DMD: variants seen among roughly 807,000 people sequenced by gnomAD.
The protein encoded by DMD is mutant dystrophin.
In DMD, 63 loss-of-function variants were observed where a neutral mutation model predicts 330.1. The observed-to-expected ratio is 0.19, with a 90% CI of 0.16 to 0.24. DMD has a LOEUF of 0.24. Among genes scored for constraint, DMD ranks in the 10% least tolerant of loss-of-function variants. The pLI is 1.00. For missense variants in DMD, 3,344 were observed against 2,684.1 expected (o/e 1.25, Z -5.43); for synonymous variants, 1,223 against 959.8 (o/e 1.27, Z -5.07).
chrX:32,903,144 C>CAA lies in DMD; in HGVS notation c.94-53326_94-53325dup, dbSNP rs34973696. ...TGGGCGACAGAGTGAGACTCAGTCT[C>CAA]AAAAAAAAAAAAAAAAAAAAAGAAA... On this transcript the variant is annotated intron_variant, in intron 2 of 78. Transcript: ENST00000357033. 2.4e-3 allele frequency among the ~76,000 whole-genome samples: 78 copies of CAA among 32,893 alleles called. 3 individuals are homozygous for CAA. The highest frequency in any genetic ancestry group is 7.4e-3 in the African/African-American group (54 of 7,300). 28.6% of individuals were successfully genotyped at this position (32,893 alleles called of 115,157 possible).
intron 62 of DMD, among the ~76,000 whole-genome samples, chrX:31,278,290 C>G (rs1208081572): frequency 2.7e-5 from 3 of 111,534 alleles, no homozygotes; most frequent in Non-Finnish European, 3.8e-5. Context: ...TTTCTCTAGA[C>G]TAGGATTTGG....
At chrX:31,721,682 C>CCG (rs2085506613) in intron 52 of DMD, among the ~76,000 whole-genome samples, 2 of 69,904 alleles carry the variant, frequency 2.9e-5, no homozygotes, top group African/African-American at 9.8e-5. Context: ...CTCTCTCTCT[C>CCG]TCACTCTCTC....
At chrX:33,162,911 C>A (rs767910935) in intron 1 of DMD, among the ~76,000 whole-genome samples, 7 of 110,696 alleles carry the variant, frequency 6.3e-5, no homozygotes, top group Non-Finnish European at 1.3e-4. Flanking sequence ...AAATGACCTG[C>A]AATATTAGGT....
chrX:31,362,788 C>A (rs1033916178), intron 60 of DMD, among the ~76,000 whole-genome samples: 1 of 112,134 alleles, frequency 8.9e-6, no homozygotes, highest in Non-Finnish European at 1.9e-5. Context: ...AGTAAAAACA[C>A]AAAAAAATTA....
intron 2 of DMD, among the ~76,000 whole-genome samples, chrX:33,017,311 A>T (rs946700074): frequency 9.0e-6 from 1 of 111,711 alleles, no homozygotes; most frequent in Non-Finnish European, 1.9e-5. Context: ...TAATTTACAA[A>T]TATTATATAA....
intron 50 of DMD, among the ~76,000 whole-genome samples, chrX:31,815,639 A>G (rs2092606126): frequency 9.0e-6 from 1 of 111,410 alleles, no homozygotes; most frequent in South Asian, 3.8e-4. Context: ...TCCCCAATGT[A>G]GTGATTTGTG....
intron 63 of DMD, among the ~76,000 whole-genome samples, chrX:31,229,925 G>A (rs1254347726): frequency 2.7e-5 from 3 of 112,271 alleles, no homozygotes; most frequent in Non-Finnish European, 3.8e-5. Flanking sequence ...GGATCTTAAT[G>A]AGACTTCAGA....
At chrX:32,448,688 C>CA (rs1433557007) in intron 26 of DMD, 50 bp from the exon 27 acceptor site, 1 of 1,054,505 alleles carries the variant, frequency 9.5e-7, no homozygotes. Context: ...ACTTTACATC[C>CA]AAAATGCATT....
Position 32,453,187 on chromosome X carries a change from C to T in DMD, c.3603+1475G>A, listed in dbSNP as rs2098341081. 5.4e-5 allele frequency among the ~76,000 whole-genome samples: 6 copies of T among 110,903 alleles called. No individual in the cohort carries two copies. The Admixed American group carries it at 5.8e-4, about 11-fold the overall frequency. The stretch of plus-strand genomic sequence containing the variant: ...TTTTCCATTTATTGCCTGCTCCTCA[C>T]CACACGCTAGAACACTAGAATGTAA... On this transcript the variant is annotated intron_variant, in intron 26 of 78. Transcript: ENST00000357033.
chrX:32,017,383 T>C (rs1161990129), intron 44 of DMD, among the ~76,000 whole-genome samples: 2 of 112,102 alleles, frequency 1.8e-5, no homozygotes, highest in African/African-American at 6.5e-5. Context: ...ACAATGTATT[T>C]CAGGTCAACA....
At chrX:33,117,122 A>G (rs2095391328) in intron 1 of DMD, among the ~76,000 whole-genome samples, 2 of 111,029 alleles carry the variant, frequency 1.8e-5, no homozygotes, top group East Asian at 2.8e-4. Flanking sequence ...AATTTTGCCA[A>G]TTAAACTTGT....
At chrX:33,221,878 G>GA (rs2148874581) in intron 1 of DMD, among the ~76,000 whole-genome samples, 1 of 110,367 alleles carries the variant, frequency 9.1e-6, no homozygotes, top group Non-Finnish European at 1.9e-5. Context: ...TAGTAATTTG[G>GA]ATATACTAGA....
At chrX:31,369,158 A>G (rs1569533909) in intron 60 of DMD, among the ~76,000 whole-genome samples, 1 of 112,511 alleles carries the variant, frequency 8.9e-6, no homozygotes, top group Non-Finnish European at 1.9e-5. Flanking sequence ...AAATTCAGGC[A>G]CTATCTTAGG....
Position 32,397,576 on chromosome X carries a change from T to C in DMD, c.4234-7395A>G, listed in dbSNP as rs760830149. ...GGCATTTGAGCATGCAGTAACTATG[T>C]TCACAGCACTATATATTCAAAGTAG... is the stretch of plus-strand genomic sequence containing the variant. On this transcript the variant is annotated intron_variant, in intron 30 of 78. Transcript: ENST00000357033. 3.3e-4 allele frequency among the ~76,000 whole-genome samples: 37 copies of C among 112,247 alleles called. 1 individual carries two copies. Among genetic ancestry groups the C allele is most frequent in the Admixed American group, 2.8e-3 (30 of 10,547 alleles).
intron 1 of DMD, chrX:33,085,907 C>G (rs758091488): frequency 8.9e-6 from 1 of 111,765 alleles, no homozygotes; most frequent in Non-Finnish European, 1.9e-5. Flanking sequence ...TTACTATGCA[C>G]TCCTAAAATT....
At chrX:32,946,372 A>C (rs1024542052) in intron 2 of DMD, among the ~76,000 whole-genome samples, 3 of 111,581 alleles carry the variant, frequency 2.7e-5, no homozygotes, top group African/African-American at 9.8e-5. Flanking sequence ...TTACCATAAA[A>C]AGATACAACA....
In DMD at chrX:32,364,602, G is replaced by C. The variant is rs398123980; in HGVS notation, c.5134C>G (p.Gln1712Glu). 1.7e-6 allele frequency: 2 copies of C among 1,210,766 alleles called. No homozygotes were observed. The highest frequency in any genetic ancestry group is 2.2e-5 in the Admixed American group (1 of 45,967). Residue 1712 changes from glutamine to glutamate, a missense_variant, in exon 36 of 79, where the codon CAA (glutamine) becomes GAA (glutamate). Gln to Glu is a conservative substitution (Grantham distance 29). Coordinates refer to ENST00000357033, the MANE Select transcript of DMD (RefSeq NM_004006.3). ...GCTACCTTAAGCACGTCTTCTTTTT[G>C]CTGGGGTTTCTTTTTCTCTGATTCA... ...LDESEKKKPQ[Q>E]KEDVLKRLKA...
intron 11 of DMD, among the ~76,000 whole-genome samples, chrX:32,629,812 A>G (rs912096045): frequency 6.3e-5 from 7 of 110,391 alleles, no homozygotes; most frequent in Admixed American, 5.8e-4. Context: ...AAAAAAAAAA[A>G]ATGCTACACT....
intron 16 of DMD, among the ~76,000 whole-genome samples, chrX:32,558,841 G>T (rs1444393162): frequency 3.7e-5 from 4 of 107,772 alleles, no homozygotes; most frequent in Non-Finnish European, 7.6e-5. Flanking sequence ...CTATTGCACT[G>T]ATATACAAGG....
Sources: allele counts gnomAD v4.1 joint callset (sites outside exome capture counted in the v4.1 genomes callset), GRCh38; gene constraint gnomAD v4.1.1; transcripts MANE v1.5; gene names NCBI Gene and HGNC (gene_info 2026-07-23, HGNC 2026-07-21).